WHAMM: variants seen among roughly 807,000 people sequenced by gnomAD.
WHAMM encodes WASP homolog associated with actin, golgi membranes and microtubules.
WHAMM carries 67 observed loss-of-function variants against 76.5 expected under a neutral mutation model. The observed-to-expected ratio is 0.88, with a 90% CI of 0.72 to 1.07. The LOEUF (loss-of-function observed/expected upper bound fraction) is 1.07, where lower values mean the gene tolerates loss of function less well. WHAMM is among the 50% of genes least tolerant of loss of function. The probability of loss-of-function intolerance (pLI) is 0.00; values close to 1 mark genes in which losing one functional copy is unlikely to be tolerated. For missense variants in WHAMM, 1,021 were observed against 1,051.1 expected, an observed-to-expected ratio of 0.97 and a Z score of 0.40; for synonymous variants, 419 against 422.1, an observed-to-expected ratio of 0.99 and a Z score of 0.09.
In WHAMM at chr15:82,819,354, C is replaced by T. The variant is rs1175125006; in HGVS notation, c.1136C>T (p.Thr379Ile). 8 of 1,127,768 alleles carry T rather than the reference C, an allele frequency of 7.1e-6. No homozygotes were observed. The highest frequency in any genetic ancestry group is 1.8e-5 in the South Asian group (1 of 54,360). 69.9% of individuals were successfully genotyped at this position (1,127,768 alleles called of 1,614,324 possible). The change falls in exon 5 of 10, where the codon ACA (threonine) becomes ATA (isoleucine). Residue 379 changes from threonine (T) to isoleucine (I), a missense_variant. Coordinates refer to ENST00000286760, the MANE Select transcript of WHAMM (RefSeq NM_001080435.3). ...MEDLPEQEKN[T>I]NVVDELEIQF... ...GATCTTCCAGAACAAGAAAAAAATA[C>T]AAATGTTGTAGATGAATTAGAAATA...
intron 5 of WHAMM, among the ~76,000 whole-genome samples, 190 bp from the exon 6 acceptor site, chr15:82,822,910 A>G (rs547318672): frequency 2.0e-5 from 3 of 150,046 alleles, no homozygotes; most frequent in African/African-American, 7.4e-5. Context: ...CTACTTACAT[A>G]CATGTATATA....
chr15:82,820,335 T>C lies in WHAMM; in HGVS notation c.1270+847T>C, dbSNP rs185380025. ...AATGGCTGCATAGTATTCCATTATA[T>C]GGATATACCATGATTTCCAAATTTC... is the stretch of plus-strand genomic sequence containing the variant. On this transcript the variant is annotated intron_variant, in intron 5 of 9. Transcript: ENST00000286760. Among the ~76,000 whole-genome samples the C allele has an allele frequency of 3.0e-4, 45 of 152,340 alleles. No individual in the cohort carries two copies. In the East Asian group the frequency reaches 8.3e-3, roughly 28 times the overall value.
chr15:82,816,736 C>T lies in WHAMM; in HGVS notation c.828C>T (p.Ala276=). ...ACCTAGGTCCTAGAAGGGTAGTTGC[C>T]CTGGAGAAAGAAGCTGAAGAATGGA... ...EDDLGPRRVV[A]LEKEAEEWTR... The change falls in exon 3 of 10, where the codon GCC becomes GCT. Residue 276 remains alanine, a synonymous_variant. Transcript: ENST00000286760. 1 of 1,557,930 alleles carries T rather than the reference C, an allele frequency of 6.4e-7. No homozygotes were observed. The highest frequency in any genetic ancestry group is 8.7e-7 in the Non-Finnish European group (1 of 1,149,724).
rs753042412 is a variant in WHAMM at position 82,831,044 on chromosome 15, G to A, written c.2087G>A (p.Arg696Gln). 4.3e-6 allele frequency: 7 copies of A among 1,609,754 alleles called. No individual in the cohort carries two copies. In the East Asian group the frequency reaches 8.9e-5, roughly 20 times the overall value. ...RPLVCESPAE[R>Q]PRDSLESFSC... ...CTAGTGTGCGAATCACCTGCTGAGCGACCACGTGACTCCTTGGAAAGTTTT... is the reference window on the plus strand; with the variant it reads ...CTAGTGTGCGAATCACCTGCTGAGCAACCACGTGACTCCTTGGAAAGTTTT... Residue 696 changes from arginine to glutamine, a missense_variant, in exon 9 of 10, where the codon CGA becomes CAA. Transcript: ENST00000286760.
At chr15:82,815,115 A>T (rs1470337292) in intron 2 of WHAMM, among the ~76,000 whole-genome samples, 1 of 10,768 alleles carries the variant, frequency 9.3e-5, no homozygotes, top group South Asian at 1.6e-3. Flanking sequence ...CAGATTTTAT[A>T]TATATATATA....
chr15:82,827,069 C>T (rs1353318474), intron 8 of WHAMM, among the ~76,000 whole-genome samples: 1 of 152,154 alleles, frequency 6.6e-6, no homozygotes, highest in African/African-American at 2.4e-5. Flanking sequence ...CATCACAACA[C>T]GCTTGGGTTC....
In WHAMM at chr15:82,809,859, T is replaced by A. The variant is rs1286825990; in HGVS notation, c.133T>A (p.Cys45Ser). Residue 45 changes from cysteine to serine, a missense_variant, in exon 1 of 10, where the codon TGT becomes AGT. By Grantham distance (112) the Cys-to-Ser change is moderately radical (BLOSUM62 -1). Around this residue, in one of 3 missense-constraint regions of WHAMM, gnomAD observed 501 missense variants for 524.9 expected, o/e 0.95. Coordinates refer to ENST00000286760, the MANE Select transcript of WHAMM (RefSeq NM_001080435.3). Reference sequence around the variant, plus strand: ...CGCGGAGGGCAAGTTCGCTGTGACTTGTCACGACCGTACCGCGCAGCAGCG... The same window carrying A: ...CGCGGAGGGCAAGTTCGCTGTGACTAGTCACGACCGTACCGCGCAGCAGCG... ...NGAEGKFAVT[C>S]HDRTAQQRRL... is the part of the protein sequence containing the mutation. 1 of 1,600,648 alleles carries A rather than the reference T, an allele frequency of 6.2e-7. No homozygotes were observed. Among genetic ancestry groups the A allele is most frequent in the East Asian group, 2.3e-5 (1 of 44,264 alleles).
intron 6 of WHAMM, among the ~76,000 whole-genome samples, chr15:82,825,348 G>T (rs1456890814): frequency 2.0e-5 from 3 of 151,932 alleles, no homozygotes; most frequent in African/African-American, 7.2e-5. Context: ...CACCTCCTTG[G>T]CAGTGTTTTT....
chr15:82,827,930 G>C (rs1054218473), intron 8 of WHAMM, among the ~76,000 whole-genome samples: 1 of 152,092 alleles, frequency 6.6e-6, no homozygotes, highest in South Asian at 2.1e-4. Flanking sequence ...GAACAACAGA[G>C]TGAGACTCTT....
intron 4 of WHAMM, 43 bp from the exon 5 acceptor site, chr15:82,819,280 C>G: frequency 1.2e-6 from 1 of 805,506 alleles, no homozygotes; most frequent in Non-Finnish European, 1.7e-6. Flanking sequence ...TTTTAATATA[C>G]TAATTTATTT....
Position 82,813,185 on chromosome 15 carries a change from T to TG in WHAMM, c.694dup (p.Val232GlyfsTer16). On this transcript the variant is annotated frameshift_variant, in exon 2 of 10. Transcript: ENST00000286760. LOFTEE classifies it high-confidence loss of function. ...GAGGAAGATGAAGCATACCAGGAAT[T>TG]GGTTACCGTGGCAACCATGTTCTTC... 1 of 1,613,142 alleles carries TG rather than the reference T, an allele frequency of 6.2e-7. No homozygotes were observed. Among genetic ancestry groups the TG allele is most frequent in the African/African-American group, 1.3e-5 (1 of 75,048 alleles).
rs1187157889 is a variant in WHAMM, at chr15:82,819,407, T to TA, written c.1190dup (p.Tyr397Ter). Residue 397 changes from tyrosine (Y) to a stop codon, truncating the protein, a stop_gained and frameshift_variant, in exon 5 of 10, where the codon TAT becomes TAAT. Transcript: ENST00000286760. LOFTEE classifies it high-confidence loss of function. ...IQFYEIQLEL[Y>*]EVKFEILKNE... is the part of the protein sequence containing the mutation. ...ATTTTATGAAATTCAATTAGAACTA[T>TA]ATGAAGTTAAATTTGAGATATTAAA... The TA allele has an allele frequency of 8.2e-7, 1 of 1,226,460 alleles. No individual in the cohort carries two copies. Among genetic ancestry groups the TA allele is most frequent in the Non-Finnish European group, 1.1e-6 (1 of 908,882 alleles). 76.0% of individuals were successfully genotyped at this position (1,226,460 alleles called of 1,614,324 possible). A position where few individuals can be genotyped will look rare whatever the true frequency, so the allele number is the denominator to read the frequency against.
In WHAMM at chr15:82,826,471, C is replaced by T; in HGVS notation, c.1520C>T (p.Ser507Phe). The T allele has an allele frequency of 6.2e-7, 1 of 1,613,930 alleles. No homozygotes were observed. Among genetic ancestry groups the T allele is most frequent in the Non-Finnish European group, 8.5e-7 (1 of 1,179,826 alleles). The change falls in exon 7 of 10, where the codon TCT becomes TTT. Residue 507 changes from serine to phenylalanine, a missense_variant. By Grantham distance (155) the Ser-to-Phe change is radical (BLOSUM62 -2). Around this residue, in one of 3 missense-constraint regions of WHAMM, gnomAD observed 509 missense variants for 492.3 expected, o/e 1.03. Transcript: ENST00000286760. The stretch of plus-strand genomic sequence containing the variant: ...CAGGCTGAAGAAAGCATAAGATACT[C>T]TCGTCAGCATCACAGTATTCAGATG... ...LQQAEESIRY[S>F]RQHHSIQMKR...
chr15:82,822,580 G>A (rs1234260025), intron 5 of WHAMM, among the ~76,000 whole-genome samples: 1 of 152,182 alleles, frequency 6.6e-6, no homozygotes, highest in Non-Finnish European at 1.5e-5. Flanking sequence ...TCGGATTATA[G>A]GCATGCGCCA....
intron 6 of WHAMM, 167 bp from the exon 7 acceptor site, chr15:82,826,243 C>T (rs1422416296): frequency 1.6e-6 from 1 of 607,296 alleles, no homozygotes; most frequent in Non-Finnish European, 2.8e-6. Context: ...AGCCAGGCAA[C>T]CCTCATCATA....
intron 6 of WHAMM, 88 bp downstream of exon 6, chr15:82,823,375 T>A: frequency 8.6e-7 from 1 of 1,165,870 alleles, no homozygotes; most frequent in Non-Finnish European, 1.1e-6. Flanking sequence ...ATAAGGTTTT[T>A]ACCAACACAG....
rs2051086898 is a variant in WHAMM at position 82,834,009 on chromosome 15, G to A, written c.*473G>A. ...CTGCCTCAGACTCCCAAAGTGCTGG[G>A]ATTACAGGTGTGAGCCACCACGCCC... On this transcript the variant is annotated 3_prime_UTR_variant, in exon 10 of 10. Transcript: ENST00000286760. 6.3e-6 allele frequency: 1 copy of A among 158,472 alleles called. No homozygotes were observed. Among genetic ancestry groups the A allele is most frequent in the Non-Finnish European group, 1.4e-5 (1 of 71,880 alleles). The allele number at this position is 158,472 out of a possible 1,614,324, so 9.8% of individuals were successfully genotyped here.
chr15:82,810,176 A>G lies in WHAMM; in HGVS notation c.450A>G (p.Glu150=). ...TGCAGGAGCTGTGCGGGCAGCTGGA[A>G]CGCTATCTGGGCGCGGCGGCCGACG... ...AALQELCGQL[E]RYLGAAADGC... The change falls in exon 1 of 10, where the codon GAA becomes GAG. Residue 150 remains glutamate (E), a synonymous_variant. Transcript: ENST00000286760. The G allele has an allele frequency of 7.1e-7, 1 of 1,403,516 alleles. No individual in the cohort carries two copies. Among genetic ancestry groups the G allele is most frequent in the South Asian group, 1.4e-5 (1 of 71,918 alleles). The allele number at this position is 1,403,516 out of a possible 1,614,324, so 86.9% of individuals were successfully genotyped here.
At chr15:82,815,155 A>ATATATATATATAAT (rs55807384) in intron 2 of WHAMM, among the ~76,000 whole-genome samples, 1,541 of 46,002 alleles carry the variant, frequency 0.033, 206 homozygotes, top group African/African-American at 0.053. Context: ...ATATATATAT[A>ATATATATATATAAT]GTACAATTCA....
Sources: allele counts gnomAD v4.1 joint callset (sites outside exome capture counted in the v4.1 genomes callset), GRCh38; gene constraint gnomAD v4.1.1; regional missense constraint gnomAD v4.1.1; transcripts MANE v1.5; gene names NCBI Gene and HGNC (gene_info 2026-07-23, HGNC 2026-07-21).